The following PCDH7 variants were observed in gnomAD, a reference collection of about 807,000 sequenced individuals.
PCDH7 encodes protocadherin-7.
A neutral mutation model predicts 58.9 loss-of-function variants in PCDH7; 17 were observed. That is an observed-to-expected ratio of 0.29 (90% confidence interval 0.20 to 0.43). The LOEUF (loss-of-function observed/expected upper bound fraction) is 0.43, where lower values mean the gene tolerates loss of function less well. PCDH7 is among the 20% of genes least tolerant of loss of function. The pLI is 1.00. For missense variants in PCDH7, 1,274 were observed against 1,441.0 expected (o/e 0.88, Z 1.88); for synonymous variants, 664 against 616.4 (o/e 1.08, Z -1.14).
chr4:31,128,085 G>GTATATATGTGTATATATATACA (rs1718524108), intron 3 of PCDH7, among the ~76,000 whole-genome samples: 1 of 146,806 alleles, frequency 6.8e-6, no homozygotes, highest in South Asian at 2.1e-4. Flanking sequence ...GTATATATAT[G>GTATATATGTGTATATATATACA]CATATATATG....
intron 1 of PCDH7, among the ~76,000 whole-genome samples, chr4:30,810,418 A>G (rs896474141): frequency 8.8e-6 from 1 of 113,252 alleles, no homozygotes; most frequent in Admixed American, 8.8e-5. Flanking sequence ...AATATAATAC[A>G]TTTCATTTTT....
intron 1 of PCDH7, among the ~76,000 whole-genome samples, chr4:30,895,755 C>T (rs1739322271): frequency 6.6e-6 from 1 of 152,084 alleles, no homozygotes; most frequent in Non-Finnish European, 1.5e-5. Context: ...TTGCTGTGGC[C>T]CAGTGCTTGT....
At chr4:30,841,328 C>A (rs745586083) in intron 1 of PCDH7, among the ~76,000 whole-genome samples, 83 of 152,044 alleles carry the variant, frequency 5.5e-4, no homozygotes, top group Non-Finnish European at 7.8e-4. Flanking sequence ...GAAATGATTT[C>A]TCAAATTTCA....
At chr4:30,848,805 C>T (rs1434653015) in intron 1 of PCDH7, among the ~76,000 whole-genome samples, 1 of 152,086 alleles carries the variant, frequency 6.6e-6, no homozygotes, top group Admixed American at 6.6e-5. Context: ...TCAGTACTTA[C>T]AGCCAATGAC....
intron 3 of PCDH7, among the ~76,000 whole-genome samples, chr4:30,971,773 GC>G: frequency 6.6e-6 from 1 of 152,206 alleles, no homozygotes. Context: ...ACCAGTCTGA[GC>G]AACATGGCAA....
chr4:30,845,013 A>G (rs1731731451), intron 1 of PCDH7, among the ~76,000 whole-genome samples: 1 of 152,146 alleles, frequency 6.6e-6, no homozygotes, highest in South Asian at 2.1e-4. Context: ...TTCCCCTTCC[A>G]CTGACACCAA....
At chr4:31,099,607 C>T (rs1301569537) in intron 3 of PCDH7, among the ~76,000 whole-genome samples, 2 of 152,130 alleles carry the variant, frequency 1.3e-5, no homozygotes, top group Non-Finnish European at 2.9e-5. Context: ...CACTGCGATG[C>T]ATTATCTGTT....
chr4:31,041,013 T>C (rs1469884883), intron 3 of PCDH7, among the ~76,000 whole-genome samples: 4 of 152,146 alleles, frequency 2.6e-5, no homozygotes, highest in African/African-American at 9.7e-5. Context: ...AAAAGTACAA[T>C]TGCTTTTTGA....
At chr4:31,108,205 C>T (rs1167147068) in intron 3 of PCDH7, among the ~76,000 whole-genome samples, 1 of 151,538 alleles carries the variant, frequency 6.6e-6, no homozygotes, top group Non-Finnish European at 1.5e-5. Flanking sequence ...TTCCTCTGTC[C>T]TACCCTAGTA....
chr4:30,764,152 C>A (rs1720396784), intron 1 of PCDH7, among the ~76,000 whole-genome samples: 1 of 152,072 alleles, frequency 6.6e-6, no homozygotes, highest in Non-Finnish European at 1.5e-5. Context: ...AAATGATACC[C>A]ATATGTAAGG....
chr4:30,964,934 CAG>C (rs945855162), intron 3 of PCDH7, among the ~76,000 whole-genome samples: 1 of 152,160 alleles, frequency 6.6e-6, no homozygotes, highest in African/African-American at 2.4e-5. Flanking sequence ...AAGCAATATT[CAG>C]AGTTATTGCT....
intron 2 of PCDH7, among the ~76,000 whole-genome samples, chr4:30,942,866 G>A (rs1002260566): frequency 1.2e-4 from 18 of 149,976 alleles, no homozygotes; most frequent in African/African-American, 4.4e-4. Flanking sequence ...AGCAATGGAA[G>A]AGGTAGGTTA....
intron 3 of PCDH7, among the ~76,000 whole-genome samples, chr4:31,080,824 G>A (rs1759438217): frequency 6.6e-6 from 1 of 152,136 alleles, no homozygotes; most frequent in Admixed American, 6.6e-5. Flanking sequence ...CATGTGTTGT[G>A]GGAGGGGCCA....
chr4:30,938,504 ACG>A (rs1412375148), intron 2 of PCDH7, among the ~76,000 whole-genome samples: 6 of 146,526 alleles, frequency 4.1e-5, no homozygotes, highest in South Asian at 2.2e-4. Flanking sequence ...ACACACACAC[ACG>A]CACACACTCA....
chr4:31,080,022 T>C (rs1759372402), intron 3 of PCDH7, among the ~76,000 whole-genome samples: 2 of 152,170 alleles, frequency 1.3e-5, no homozygotes, highest in Admixed American at 1.3e-4. Flanking sequence ...TAATTAACCT[T>C]CTGACTGCCT....
At chr4:30,814,572 A>G (rs903062655) in intron 1 of PCDH7, among the ~76,000 whole-genome samples, 1 of 151,480 alleles carries the variant, frequency 6.6e-6, no homozygotes. Flanking sequence ...TACCTACTTG[A>G]ATTTTCTCTT....
Position 30,722,706 on chromosome 4 carries a change from G to T in PCDH7, c.1284G>T (p.Gly428=), listed in dbSNP as rs957183676. The T allele has an allele frequency of 3.7e-6, 6 of 1,613,466 alleles. No individual in the cohort carries two copies. Among genetic ancestry groups the T allele is most frequent in the Non-Finnish European group, 4.2e-6 (5 of 1,180,032 alleles). ...TTGGGCGCATCCCCCTCAAGGACGGGGTGGCCAACGTGGCCGAGGACGTTC... is the reference window on the plus strand; with the variant it reads ...TTGGGCGCATCCCCCTCAAGGACGGTGTGGCCAACGTGGCCGAGGACGTTC... The change falls in exon 1 of 2, where the codon GGG becomes GGT. Residue 428 remains glycine (G), a synonymous_variant. Coordinates refer to ENST00000361762, the Ensembl canonical transcript of PCDH7. This position sits in a 1 kb window ranked among gnomAD's most constrained non-coding sequence, Gnocchi z 7.6.
chr4:30,767,859 A>G (rs929054363), intron 1 of PCDH7, among the ~76,000 whole-genome samples: 1 of 152,332 alleles, frequency 6.6e-6, no homozygotes, highest in Admixed American at 6.5e-5. Context: ...TGAAACAAAC[A>G]TCAATAGAAA....
At chr4:31,018,407 A>G (rs73214974) in intron 3 of PCDH7, among the ~76,000 whole-genome samples, 6,250 of 152,202 alleles carry the variant, frequency 0.041, 126 homozygotes, top group Middle Eastern at 0.071. Flanking sequence ...CCTTTTCCTC[A>G]CTTACTACCA....
Sources: allele counts gnomAD v4.1 joint callset (sites outside exome capture counted in the v4.1 genomes callset), GRCh38; gene constraint gnomAD v4.1.1; non-coding constraint Gnocchi (gnomAD v3.1); transcripts MANE v1.5; gene names NCBI Gene and HGNC (gene_info 2026-07-23, HGNC 2026-07-21).